CACNA1A: variants seen among roughly 807,000 people sequenced by gnomAD.
The protein encoded by CACNA1A is calcium voltage-gated channel subunit alpha1 A.
Under a neutral mutation model 262.4 loss-of-function variants are expected in CACNA1A, and 57 were observed. That is an observed-to-expected ratio of 0.22 (90% confidence interval 0.18 to 0.27). The LOEUF (loss-of-function observed/expected upper bound fraction) is 0.27. Ranked by LOEUF, CACNA1A falls within the 10% of genes least tolerant of loss-of-function variation. CACNA1A has a pLI of 1.00. For missense variants in CACNA1A, 2,526 were observed against 3,562.8 expected (o/e 0.71, Z 7.41); for synonymous variants, 1,431 against 1,419.3 (o/e 1.01, Z -0.18).
At chr19:13,403,498 AAC>A (rs1337723298) in intron 3 of CACNA1A, among the ~76,000 whole-genome samples, 14 of 152,172 alleles carry the variant, frequency 9.2e-5, no homozygotes, top group Admixed American at 8.5e-4. Context: ...CTAGGCCCAC[AAC>A]ACAGAGTCAA....
intron 3 of CACNA1A, among the ~76,000 whole-genome samples, chr19:13,436,144 A>G (rs2060607805): frequency 6.6e-6 from 1 of 152,114 alleles, no homozygotes; most frequent in Non-Finnish European, 1.5e-5. Context: ...CTGTTTCTTC[A>G]GAAAGGACAA....
At chr19:13,226,273 GC>G (rs2055443933) in intron 37 of CACNA1A, 6 of 95,814 alleles carry the variant, frequency 6.3e-5, no homozygotes, top group Non-Finnish European at 9.0e-5. Context: ...GGGGGGGGCG[GC>G]AGGGAGGGGC....
intron 3 of CACNA1A, among the ~76,000 whole-genome samples, chr19:13,402,630 T>C (rs921063305): frequency 1.3e-5 from 2 of 149,220 alleles, no homozygotes; most frequent in Non-Finnish European, 3.0e-5. Context: ...TCTGAAAAAA[T>C]AGTATGTGGG....
intron 30 of CACNA1A, among the ~76,000 whole-genome samples, chr19:13,246,020 G>A (rs1600161316): frequency 6.6e-6 from 1 of 152,302 alleles, no homozygotes. Context: ...CCTGAGGCTA[G>A]CAGCACAGAG....
intron 3 of CACNA1A, among the ~76,000 whole-genome samples, chr19:13,412,805 T>G (rs1286616005): frequency 2.0e-5 from 3 of 152,166 alleles, no homozygotes; most frequent in Non-Finnish European, 4.4e-5. Flanking sequence ...TAAATTACTC[T>G]AAAATAAATA....
Position 13,475,331 on chromosome 19 carries a change from G to A in CACNA1A, c.294-20119C>T, listed in dbSNP as rs116486190. Among the ~76,000 whole-genome samples, 685 of 152,270 alleles carry A rather than the reference G, an allele frequency of 4.5e-3. 6 individuals carry two copies. The highest frequency in any genetic ancestry group is 0.013 in the African/African-American group (539 of 41,554). On this transcript the variant is annotated intron_variant, in intron 1 of 46. Coordinates refer to ENST00000360228, the MANE Select transcript of CACNA1A (RefSeq NM_001127222.2). ...CATGCTATGAAGTGGGATGGGGACT[G>A]ATCTATGTCATCCTCTCTCCAGCAC...
intron 46 of CACNA1A, 39 bp from the exon 47 acceptor site, chr19:13,208,092 A>G: frequency 8.0e-7 from 1 of 1,255,138 alleles, no homozygotes; most frequent in Non-Finnish European, 1.0e-6. Context: ...AAAAAAAAAG[A>G]TACAACAAAA....
intron 3 of CACNA1A, among the ~76,000 whole-genome samples, chr19:13,401,717 G>A (rs954940912): frequency 2.0e-5 from 3 of 152,068 alleles, no homozygotes; most frequent in Admixed American, 6.5e-5. Flanking sequence ...AACAACCTTG[G>A]AAGCCACATG....
chr19:13,496,940 C>T (rs1425101225), intron 1 of CACNA1A, among the ~76,000 whole-genome samples: 2 of 152,150 alleles, frequency 1.3e-5, no homozygotes, highest in African/African-American at 4.8e-5. Context: ...AGAATCACCA[C>T]TGGGACAGAC....
chr19:13,384,092 A>G (rs1340226842), intron 3 of CACNA1A, among the ~76,000 whole-genome samples: 3 of 152,208 alleles, frequency 2.0e-5, no homozygotes, highest in Non-Finnish European at 4.4e-5. Context: ...TTTGGATGAT[A>G]GGCGTGAGCC....
At chr19:13,367,643 G>T (rs1055826421) in intron 4 of CACNA1A, among the ~76,000 whole-genome samples, 2 of 152,106 alleles carry the variant, frequency 1.3e-5, no homozygotes, top group Non-Finnish European at 2.9e-5. Flanking sequence ...CAGGAGAATG[G>T]TGTGAACCCG....
chr19:13,445,530 G>T (rs185785284), intron 3 of CACNA1A, among the ~76,000 whole-genome samples: 3 of 152,260 alleles, frequency 2.0e-5, no homozygotes, highest in Admixed American at 2.0e-4. Flanking sequence ...CATTTATTAT[G>T]TGAAAGGGAC....
chr19:13,417,439 C>G (rs2060243522), intron 3 of CACNA1A, among the ~76,000 whole-genome samples: 1 of 152,156 alleles, frequency 6.6e-6, no homozygotes, highest in Non-Finnish European at 1.5e-5. Flanking sequence ...CCAGATAGAA[C>G]AATCCACCCA....
chr19:13,303,518 C>T, intron 17 of CACNA1A, 28 bp downstream of exon 17: 3 of 1,322,990 alleles, frequency 2.3e-6, no homozygotes, highest in South Asian at 1.2e-5. Context: ...GTAACTTTGC[C>T]AGAGAAACAT....
chr19:13,396,484 T>A (rs2059813649), intron 3 of CACNA1A, among the ~76,000 whole-genome samples: 1 of 152,246 alleles, frequency 6.6e-6, no homozygotes, highest in South Asian at 2.1e-4. Context: ...TCTGGGATGA[T>A]GGAAATGTTC....
chr19:13,239,179 G>A (rs1260570844), intron 31 of CACNA1A, among the ~76,000 whole-genome samples: 1 of 152,068 alleles, frequency 6.6e-6, no homozygotes, highest in Non-Finnish European at 1.5e-5. Flanking sequence ...CCACAATATA[G>A]CCCCGCCCTC....
chr19:13,348,696 C>T (rs534327952), intron 6 of CACNA1A, among the ~76,000 whole-genome samples: 6 of 152,202 alleles, frequency 3.9e-5, no homozygotes, highest in East Asian at 1.9e-4. Context: ...ATTAGCTGGG[C>T]GTGTTGGTGC....
At chr19:13,407,348 G>A (rs1449509623) in intron 3 of CACNA1A, among the ~76,000 whole-genome samples, 4 of 152,160 alleles carry the variant, frequency 2.6e-5, no homozygotes, top group East Asian at 1.9e-4. Flanking sequence ...TTGCTCTTAC[G>A]AGAAAATGGC....
chr19:13,300,424 C>G, intron 18 of CACNA1A, 126 bp downstream of exon 18: 2 of 691,826 alleles, frequency 2.9e-6, no homozygotes, highest in Non-Finnish European at 5.2e-6. Context: ...GGTGGAAGGA[C>G]AAGAAGTGTC....
Sources: gnomAD v4.1 joint callset for allele counts (sites outside exome capture counted in the v4.1 genomes callset) on GRCh38, gnomAD v4.1.1 for gene constraint, MANE v1.5 for transcripts, NCBI Gene and HGNC (gene_info 2026-07-23, HGNC 2026-07-21) for gene names.